The following HDAC4 variants were observed in gnomAD, a reference collection of about 807,000 sequenced individuals.
HDAC4 encodes histone deacetylase A.
A neutral mutation model predicts 135.1 loss-of-function variants in HDAC4; 16 were observed. The ratio of observed to expected loss-of-function variants is 0.12; its 90% CI spans 0.08 to 0.18. HDAC4 has a LOEUF of 0.18. Ranked by LOEUF, HDAC4 falls within the 10% of genes least tolerant of loss-of-function variation. HDAC4 has a pLI of 1.00. For synonymous variants in HDAC4, 685 were observed against 653.4 expected, an observed-to-expected ratio of 1.05 and a Z score of -0.74; for missense variants, 1,143 against 1,511.8, an observed-to-expected ratio of 0.76 and a Z score of 4.05.
rs569844414 is a variant in HDAC4, at chr2:239,167,239, T to C, written c.491-3316A>G. Among the ~76,000 whole-genome samples, 401 of 152,204 alleles carry C rather than the reference T, an allele frequency of 2.6e-3. 1 individual carries two copies. The highest frequency in any genetic ancestry group is 9.3e-3 in the African/African-American group (386 of 41,550). On this transcript the variant is annotated intron_variant, in intron 5 of 26. Transcript: ENST00000543185. The surrounding 1 kb of genome is among the most constrained non-coding windows in gnomAD (Gnocchi z 4.1). ...GGGACAGCTGTTACTGTGGATCCAC[T>C]GGCCCTCCACGGGGGAGGGTGCGCA...
chr2:239,180,651 C>A (rs1162664747), intron 4 of HDAC4, among the ~76,000 whole-genome samples: 1 of 152,246 alleles, frequency 6.6e-6, no homozygotes, highest in African/African-American at 2.4e-5. Context: ...CATTGGCCAA[C>A]CAAATGGCAT....
chr2:239,243,712 T>A (rs1194615244), intron 2 of HDAC4, among the ~76,000 whole-genome samples: 1 of 152,190 alleles, frequency 6.6e-6, no homozygotes, highest in Non-Finnish European at 1.5e-5. Context: ...GCTGTGAGTT[T>A]ATAGAAAAAT....
chr2:239,094,649 C>T (rs2152737072), intron 17 of HDAC4: 1 of 1,173,110 alleles, frequency 8.5e-7, no homozygotes, highest in South Asian at 1.7e-5. Flanking sequence ...GTACAGAATA[C>T]AGAAGCACGC....
chr2:239,391,826 G>C (rs1056655350), intron 1 of HDAC4, among the ~76,000 whole-genome samples: 2 of 152,212 alleles, frequency 1.3e-5, no homozygotes, highest in African/African-American at 4.8e-5. Flanking sequence ...AACAAGAGAA[G>C]AGGCCCTCCG....
At chr2:239,395,940 G>A (rs1268095642) in intron 1 of HDAC4, among the ~76,000 whole-genome samples, 2 of 152,076 alleles carry the variant, frequency 1.3e-5, no homozygotes, top group Admixed American at 6.6e-5. Flanking sequence ...AGAGCAATTC[G>A]GTAATCACTA....
chr2:239,364,597 A>C (rs1264970356), intron 1 of HDAC4, among the ~76,000 whole-genome samples: 1 of 152,254 alleles, frequency 6.6e-6, no homozygotes, highest in African/African-American at 2.4e-5. Flanking sequence ...TCTGTGGAAG[A>C]GAAGGCAGAG....
chr2:239,153,128 A>G (rs1000620610), intron 7 of HDAC4, among the ~76,000 whole-genome samples: 9 of 152,194 alleles, frequency 5.9e-5, no homozygotes, highest in African/African-American at 2.2e-4. Context: ...GAGTCACTGC[A>G]TTGCTTTCAC....
intron 2 of HDAC4, among the ~76,000 whole-genome samples, chr2:239,350,012 G>T (rs192191009): frequency 1.3e-5 from 2 of 152,292 alleles, no homozygotes; most frequent in Non-Finnish European, 2.9e-5. Flanking sequence ...AAACTGAACC[G>T]CAGCGGCTGA....
intron 11 of HDAC4, among the ~76,000 whole-genome samples, chr2:239,129,421 G>A (rs971001050): frequency 6.6e-6 from 1 of 152,232 alleles, no homozygotes; most frequent in African/African-American, 2.4e-5. Context: ...TGACCCAGCT[G>A]CAGGGGCTGG....
At chr2:239,382,255 G>A (rs934722526) in intron 1 of HDAC4, among the ~76,000 whole-genome samples, 1 of 152,184 alleles carries the variant, frequency 6.6e-6, no homozygotes, top group Non-Finnish European at 1.5e-5. Context: ...TAGAATTAAT[G>A]GATTCTTTAT....
At chr2:239,084,044 A>G (rs1224308805) in intron 20 of HDAC4, 111 bp downstream of exon 20, 6 of 777,822 alleles carry the variant, frequency 7.7e-6, no homozygotes, top group Admixed American at 2.0e-5. Context: ...GTTTCCAGAA[A>G]CCTAAGCTTC....
intron 12 of HDAC4, among the ~76,000 whole-genome samples, chr2:239,122,749 C>A (rs538363497): frequency 6.6e-6 from 1 of 152,364 alleles, no homozygotes; most frequent in South Asian, 2.1e-4. Context: ...TAGGCACGGG[C>A]CGCCTCTCTT....
rs947819093 is a variant in HDAC4 at position 239,400,821 on chromosome 2, G to T, written c.-220+157C>A. Reference sequence around the variant, plus strand: ...GCGACAGCCGGGACGCGGCCACGGCGCCGCCGGGGGCCCAGGCTGGGAGGC... The same window carrying T: ...GCGACAGCCGGGACGCGGCCACGGCTCCGCCGGGGGCCCAGGCTGGGAGGC... On this transcript the variant is annotated intron_variant, in intron 1 of 26. Transcript: ENST00000543185. This position sits in a 1 kb window ranked among gnomAD's most constrained non-coding sequence, Gnocchi z 4.7. The T allele has an allele frequency of 6.2e-5, 9 of 146,244 alleles. No individual in the cohort carries two copies. The highest frequency in any genetic ancestry group is 2.2e-4 in the African/African-American group (9 of 40,600). The allele number at this position is 146,244 out of a possible 1,614,324, so 9.1% of individuals were successfully genotyped here.
At chr2:239,354,237 T>C (rs1693345363) in intron 1 of HDAC4, among the ~76,000 whole-genome samples, 1 of 152,188 alleles carries the variant, frequency 6.6e-6, no homozygotes, top group Non-Finnish European at 1.5e-5. Flanking sequence ...CTGGTAAGCT[T>C]CGTTTTGAAG....
Position 239,050,583 on chromosome 2 carries a change from C to T in HDAC4, c.*2514G>A, listed in dbSNP as rs1382400804. 4.6e-5 allele frequency: 7 copies of T among 152,684 alleles called. No individual in the cohort carries two copies. Among genetic ancestry groups the T allele is most frequent in the African/African-American group, 1.4e-4 (6 of 41,474 alleles). 9.5% of individuals were successfully genotyped at this position (152,684 alleles called of 1,614,324 possible). A position where few individuals can be genotyped will look rare whatever the true frequency, so the allele number is the denominator to read the frequency against. ...AAACCACTGTCTCAGAGCTGACCAT[C>T]AGCAGCCCAGTGACCAAGTGAATCC... On this transcript the variant is annotated 3_prime_UTR_variant, in exon 27 of 27. Coordinates refer to ENST00000543185, the MANE Select transcript of HDAC4 (RefSeq NM_001378414.1).
At chr2:239,231,616 G>A (rs532614228) in intron 3 of HDAC4, among the ~76,000 whole-genome samples, 1 of 125,184 alleles carries the variant, frequency 8.0e-6, no homozygotes, top group East Asian at 3.4e-4. Flanking sequence ...GTTTGCTCCC[G>A]GATGCCTGAG....
intron 4 of HDAC4, among the ~76,000 whole-genome samples, chr2:239,185,829 G>A (rs184561125): frequency 7.2e-5 from 11 of 152,232 alleles, no homozygotes; most frequent in East Asian, 1.9e-4. Flanking sequence ...CCAGGAGTTC[G>A]AGCCTAGCCT....
At chr2:239,144,467 G>T in intron 8 of HDAC4, 116 bp downstream of exon 8, 1 of 1,350,984 alleles carries the variant, frequency 7.4e-7, no homozygotes, top group Non-Finnish European at 1.1e-6. Context: ...CACACTGGGG[G>T]TTGACAGCGT....
At chr2:239,133,921 A>G (rs1160939759) in intron 11 of HDAC4, among the ~76,000 whole-genome samples, 1 of 152,236 alleles carries the variant, frequency 6.6e-6, no homozygotes, top group African/African-American at 2.4e-5. Context: ...CAAACTGACC[A>G]CAAGAGTCGG....
Sources: allele counts gnomAD v4.1 joint callset (sites outside exome capture counted in the v4.1 genomes callset), GRCh38; gene constraint gnomAD v4.1.1; non-coding constraint Gnocchi (gnomAD v3.1); transcripts MANE v1.5; gene names NCBI Gene and HGNC (gene_info 2026-07-23, HGNC 2026-07-21).